The following DUOX1 variants were observed in gnomAD, a reference collection of about 807,000 sequenced individuals.
The protein encoded by DUOX1 is dual oxidase 1.
Under a neutral mutation model 181.8 loss-of-function variants are expected in DUOX1, and 134 were observed. That is an observed-to-expected ratio of 0.74 (90% CI 0.64 to 0.85). The LOEUF is 0.85. Among genes scored for constraint, DUOX1 ranks in the 40% least tolerant of loss-of-function variants. The probability of loss-of-function intolerance (pLI) is 0.00; values close to 1 mark genes in which losing one functional copy is unlikely to be tolerated. For missense variants in DUOX1, 1,814 were observed against 2,064.4 expected (o/e 0.88, Z 2.35); for synonymous variants, 798 against 832.5 (o/e 0.96, Z 0.71).
At position 45,148,384 on chromosome 15, in the gene DUOX1, G is replaced by C; in HGVS notation, c.2755G>C (p.Asp919His). The C allele has an allele frequency of 6.2e-7, 1 of 1,614,212 alleles. No homozygotes were observed. Among genetic ancestry groups the C allele is most frequent in the South Asian group, 1.1e-5 (1 of 91,078 alleles). Reference protein sequence around the residue: ...FQDKEELTWEDFHFMLRDHNS... With the variant: ...FQDKEELTWEHFHFMLRDHNS... ...GGACAAGGAGGAACTGACATGGGAA[G>C]ATTTTCACTTCATGCTGCGGGACCA... Residue 919 changes from aspartate (D) to histidine (H), a missense_variant, in exon 21 of 34, where the codon GAT (aspartate) becomes CAT (histidine). By Grantham distance (81) the Asp-to-His change is moderately conservative. Coordinates refer to ENST00000389037, the MANE Select transcript of DUOX1 (RefSeq NM_175940.3).
At chr15:45,137,135 G>T (rs1007407252) in intron 9 of DUOX1, among the ~76,000 whole-genome samples, 5 of 150,328 alleles carry the variant, frequency 3.3e-5, no homozygotes, top group Non-Finnish European at 7.4e-5. Context: ...TTCACCTGAG[G>T]TCGGGAGTTA....
rs1296242136 is a variant in DUOX1 at position 45,150,566 on chromosome 15, C to T, written c.2819-66C>T. On this transcript the variant is annotated intron_variant, in intron 21 of 33. Coordinates refer to ENST00000389037, the MANE Select transcript of DUOX1 (RefSeq NM_175940.3). ...AGCATGGGATGGTAGGAGTGCTGTG[C>T]GTTTGAGCCAGGTCTTCCTGGGCTC... The T allele has an allele frequency of 1.8e-5, 27 of 1,461,658 alleles. No homozygotes were observed. The East Asian group carries it at 2.0e-4, about 11-fold the overall frequency. The allele number at this position is 1,461,658 out of a possible 1,614,324, so 90.5% of individuals were successfully genotyped here.
chr15:45,148,570 T>G (rs1357447340), intron 21 of DUOX1, 123 bp downstream of exon 21: 7 of 1,034,636 alleles, frequency 6.8e-6, no homozygotes, highest in Admixed American at 5.9e-5. Flanking sequence ...AAAAAATGAA[T>G]GTAGTAATAT....
chr15:45,160,321 C>A (rs1897066997), intron 28 of DUOX1, among the ~76,000 whole-genome samples: 1 of 152,098 alleles, frequency 6.6e-6, no homozygotes, highest in African/African-American at 2.4e-5. Flanking sequence ...GAAGGGCATT[C>A]CAGGCAGGAG....
Position 45,164,812 on chromosome 15 carries a change from C to T in DUOX1, c.4567C>T (p.Pro1523Ser), listed in dbSNP as rs769845290. Residue 1523 changes from proline to serine, a missense_variant, in exon 34 of 34, where the codon CCT (proline) becomes TCT (serine). Transcript: ENST00000389037. ...RKIGVFSCGP[P>S]GMTKNVEKAC... ...GATCGGGGTGTTTAGCTGTGGCCCC[C>T]CTGGCATGACCAAGAATGTGGAAAA... is the stretch of plus-strand genomic sequence containing the variant. 3 of 1,614,172 alleles carry T rather than the reference C, an allele frequency of 1.9e-6. No individual in the cohort carries two copies. The highest frequency in any genetic ancestry group is 1.3e-5 in the African/African-American group (1 of 75,050).
chr15:45,164,790 C>G lies in DUOX1; in HGVS notation c.4545C>G (p.Ile1515Met). 6.2e-7 allele frequency: 1 copy of G among 1,614,174 alleles called. No individual in the cohort carries two copies. Among genetic ancestry groups the G allele is most frequent in the Non-Finnish European group, 8.5e-7 (1 of 1,180,018 alleles). The stretch of plus-strand genomic sequence containing the variant: ...TCCTCCTGCAACAGGTCCGGAAGAT[C>G]GGGGTGTTTAGCTGTGGCCCCCCTG... Reference protein sequence around the residue: ...LQEVHPQVRKIGVFSCGPPGM... With the variant: ...LQEVHPQVRKMGVFSCGPPGM... The change falls in exon 34 of 34, where the codon ATC (isoleucine) becomes ATG (methionine). Residue 1515 changes from isoleucine to methionine, a missense_variant. Physicochemically the swap from Ile to Met is conservative, Grantham distance 10. Coordinates refer to ENST00000389037, the MANE Select transcript of DUOX1 (RefSeq NM_175940.3).
chr15:45,164,912 G>C lies in DUOX1; in HGVS notation c.*11G>C, dbSNP rs771627642. The C allele has an allele frequency of 1.9e-6, 3 of 1,613,586 alleles. No homozygotes were observed. The highest frequency in any genetic ancestry group is 2.5e-6 in the Non-Finnish European group (3 of 1,179,608). ...TATGAGAACTTCTAGGCCCCTGCCC[G>C]GGGGTTCTGCCCACTGCCCAGTTGA... On this transcript the variant is annotated 3_prime_UTR_variant, in exon 34 of 34. Transcript: ENST00000389037.
Position 45,163,523 on chromosome 15 carries a change from T to G in DUOX1, c.4249-9T>G. ...AGATGGGTCCTGAACTCCAGCCCTGTGTCCCCAGATCTACTTCATCTGGGT... is the reference window on the plus strand; with the variant it reads ...AGATGGGTCCTGAACTCCAGCCCTGGGTCCCCAGATCTACTTCATCTGGGT... On this transcript the variant is annotated splice_polypyrimidine_tract_variant and intron_variant, in intron 31 of 33. Transcript: ENST00000389037. 1 of 1,613,932 alleles carries G rather than the reference T, an allele frequency of 6.2e-7. No individual in the cohort carries two copies. The highest frequency in any genetic ancestry group is 8.5e-7 in the Non-Finnish European group (1 of 1,180,008).
chr15:45,151,102 C>T (rs1332534908), intron 22 of DUOX1, 21 bp from the exon 23 acceptor site: 1 of 1,613,466 alleles, frequency 6.2e-7, no homozygotes, highest in Admixed American at 1.7e-5. Context: ...AGCATCCTAT[C>T]TCTTACCATT....
At chr15:45,158,686 C>T (rs1271973403) in intron 28 of DUOX1, among the ~76,000 whole-genome samples, 3 of 111,658 alleles carry the variant, frequency 2.7e-5, no homozygotes, top group African/African-American at 3.6e-5. Flanking sequence ...TGGGTGACAG[C>T]GAGACTTCCA....
intron 33 of DUOX1, 97 bp from the exon 34 acceptor site, chr15:45,164,682 G>A (rs1177650589): frequency 1.5e-5 from 21 of 1,369,352 alleles, no homozygotes; most frequent in Non-Finnish European, 2.2e-5. Flanking sequence ...TGTTGCCCAG[G>A]CTGGTCTTGA....
intron 28 of DUOX1, among the ~76,000 whole-genome samples, chr15:45,159,727 G>A (rs761075881): frequency 3.3e-5 from 5 of 152,186 alleles, no homozygotes; most frequent in Non-Finnish European, 4.4e-5. Flanking sequence ...CTGGGGAAGC[G>A]CCTTTCCCCA....
At chr15:45,157,073 C>T (rs1039615214) in intron 28 of DUOX1, among the ~76,000 whole-genome samples, 3 of 152,348 alleles carry the variant, frequency 2.0e-5, no homozygotes, top group South Asian at 2.1e-4. Context: ...ACCATGGCCT[C>T]GGTCAGGTTG....
At chr15:45,151,097 CCTAT>C in intron 22 of DUOX1, 22 bp from the exon 23 acceptor site, 2 of 1,613,230 alleles carry the variant, frequency 1.2e-6, no homozygotes, top group Non-Finnish European at 1.7e-6. Context: ...TGGCCAGCAT[CCTAT>C]CTCTTACCAT....
intron 11 of DUOX1, 36 bp from the exon 12 acceptor site, chr15:45,139,391 T>A (rs1896431562): frequency 6.2e-7 from 1 of 1,604,540 alleles, no homozygotes; most frequent in Non-Finnish European, 8.5e-7. Flanking sequence ...GTGGTGGCCC[T>A]GAGCTCCCTC....
chr15:45,140,855 C>G (rs765333355), intron 12 of DUOX1, 40 bp from the exon 13 acceptor site: 1 of 1,604,690 alleles, frequency 6.2e-7, no homozygotes. Flanking sequence ...AGGGTGGGTG[C>G]CGTGTCCTTT....
chr15:45,133,093 C>T (rs1896195830), intron 2 of DUOX1, among the ~76,000 whole-genome samples: 1 of 152,204 alleles, frequency 6.6e-6, no homozygotes. Flanking sequence ...TCAGAAAGAT[C>T]CCTGCTCCAT....
chr15:45,156,094 T>C (rs190833624), intron 28 of DUOX1, among the ~76,000 whole-genome samples, 165 bp downstream of exon 28: 67 of 152,328 alleles, frequency 4.4e-4, no homozygotes, highest in Admixed American at 2.0e-3. Context: ...GGGCTCTCCA[T>C]TAGGATGACC....
In DUOX1 at chr15:45,136,645, G is replaced by C. The variant is rs745334694; in HGVS notation, c.1022+20G>C. ...CATGAGGTGAGGGAGGGGCTCAAAG[G>C]TGTGTGTGCTGGGAGGGATGGGGCT... On this transcript the variant is annotated intron_variant, in intron 9 of 33. Transcript: ENST00000389037. The C allele has an allele frequency of 6.2e-7, 1 of 1,612,730 alleles. No individual in the cohort carries two copies. Among genetic ancestry groups the C allele is most frequent in the Non-Finnish European group, 8.5e-7 (1 of 1,178,922 alleles).
Sources: allele counts gnomAD v4.1 joint callset (sites outside exome capture counted in the v4.1 genomes callset), GRCh38; gene constraint gnomAD v4.1.1; transcripts MANE v1.5; gene names NCBI Gene and HGNC (gene_info 2026-07-23, HGNC 2026-07-21).